The following INSR variants were observed in gnomAD, a reference collection of about 807,000 sequenced individuals.
The protein encoded by INSR is insulin receptor.
INSR carries 67 observed loss-of-function variants against 142.6 expected under a neutral mutation model. The observed-to-expected ratio is 0.47, with a 90% confidence interval of 0.39 to 0.58. INSR has a LOEUF of 0.58. Ranked by LOEUF, INSR falls within the 20% of genes least tolerant of loss-of-function variation. The pLI is 0.00. For synonymous variants in INSR, 756 were observed against 743.1 expected (o/e 1.02, Z -0.28); for missense variants, 1,248 against 1,833.2 (o/e 0.68, Z 5.83).
At chr19:7,185,394 G>C (rs143561545) in intron 2 of INSR, among the ~76,000 whole-genome samples, 5 of 152,248 alleles carry the variant, frequency 3.3e-5, no homozygotes, top group African/African-American at 1.2e-4. Context: ...TGAGGTACAG[G>C]GAGGTTAAGT....
chr19:7,153,858 ATAAAG>A (rs1973516903), intron 9 of INSR, among the ~76,000 whole-genome samples: 3 of 152,112 alleles, frequency 2.0e-5, no homozygotes. Flanking sequence ...TCTACTAAAA[ATAAAG>A]TAAAATAACC....
intron 5 of INSR, among the ~76,000 whole-genome samples, chr19:7,171,618 G>A (rs8109559): frequency 0.28 from 42,230 of 151,958 alleles, 7,998 homozygotes; most frequent in African/African-American, 0.54. Flanking sequence ...ATGGACAACC[G>A]GGACTAAGAG....
intron 11 of INSR, among the ~76,000 whole-genome samples, chr19:7,144,054 CAAA>C (rs111357856): frequency 1.0e-5 from 1 of 96,384 alleles, no homozygotes; most frequent in African/African-American, 3.5e-5. Context: ...GACTCTGTCT[CAAA>C]AAAAAAAAAA....
At chr19:7,128,795 T>A in intron 15 of INSR, 57 bp downstream of exon 15, 1 of 1,190,170 alleles carries the variant, frequency 8.4e-7, no homozygotes, top group Non-Finnish European at 1.3e-6. Flanking sequence ...TATCAAGGCA[T>A]GTTTTCCCCC....
chr19:7,166,343 C>T lies in INSR; in HGVS notation c.1672G>A (p.Val558Met). 1 of 1,614,120 alleles carries T rather than the reference C, an allele frequency of 6.2e-7. No homozygotes were observed. The highest frequency in any genetic ancestry group is 8.5e-7 in the Non-Finnish European group (1 of 1,180,016). ...CTCAGGGGTGGGTCAATGTCTACCA[C>T]CGTCCAACTGTTGGAACCACACGCA... is the stretch of plus-strand genomic sequence containing the variant. Reference protein sequence around the residue: ...QDACGSNSWTVVDIDPPLRSN... With the variant: ...QDACGSNSWTMVDIDPPLRSN... The change falls in exon 8 of 22, where the codon GTG (valine) becomes ATG (methionine). Residue 558 changes from valine to methionine, a missense_variant. Val to Met is a conservative substitution (Grantham distance 21). This residue lies in a region of INSR where 1,069 missense variants were observed against 1,654.0 expected (regional missense o/e 0.65). Coordinates refer to ENST00000302850, the MANE Select transcript of INSR (RefSeq NM_000208.4). This position sits in a 1 kb window ranked among gnomAD's most constrained non-coding sequence, Gnocchi z 4.1.
At chr19:7,126,040 G>C (rs1436424016) in intron 16 of INSR, among the ~76,000 whole-genome samples, 1 of 152,126 alleles carries the variant, frequency 6.6e-6, no homozygotes, top group Non-Finnish European at 1.5e-5. Flanking sequence ...GCAGAGATTT[G>C]GAATGGACTG....
rs1191156607 is a variant in INSR, at chr19:7,195,408, T to C, written c.653-10771A>G. Reference sequence around the variant, plus strand: ...GTGTAATCCCAGCACTTTGGGAGGCTGAGGCAGGAAGATCACTGGAGATCA... The same window carrying C: ...GTGTAATCCCAGCACTTTGGGAGGCCGAGGCAGGAAGATCACTGGAGATCA... On this transcript the variant is annotated intron_variant, in intron 2 of 21. Coordinates refer to ENST00000302850, the MANE Select transcript of INSR (RefSeq NM_000208.4). 2.0e-5 allele frequency among the ~76,000 whole-genome samples: 3 copies of C among 152,192 alleles called. No individual in the cohort carries two copies. The South Asian group carries it at 6.2e-4, about 32-fold the overall frequency.
In INSR at chr19:7,116,850, C is replaced by T; in HGVS notation, c.*206G>A. ...AGCAACTGTGGAAACCCCTTGCCCT[C>T]CAGGTTCACAGTTAAATCCTCTGCA... On this transcript the variant is annotated 3_prime_UTR_variant, in exon 22 of 22. Transcript: ENST00000302850. The T allele has an allele frequency of 1.8e-6, 1 of 568,552 alleles. No homozygotes were observed. The highest frequency in any genetic ancestry group is 3.1e-5 in the Admixed American group (1 of 31,910). 35.2% of individuals were successfully genotyped at this position (568,552 alleles called of 1,614,324 possible).
intron 2 of INSR, among the ~76,000 whole-genome samples, chr19:7,219,471 AAAAGGGAGGGAGG>A (rs1975532136): frequency 2.1e-5 from 3 of 141,716 alleles, no homozygotes; most frequent in African/African-American, 7.7e-5. Flanking sequence ...AGAGAGAGAG[AAAAGGGAGGGAGG>A]GAAGGAAGGA....
intron 2 of INSR, among the ~76,000 whole-genome samples, chr19:7,263,334 C>T (rs532469489): frequency 3.3e-5 from 5 of 151,552 alleles, no homozygotes; most frequent in Admixed American, 3.3e-4. Flanking sequence ...TATCACAATA[C>T]AAGAAATTGA....
intron 9 of INSR, among the ~76,000 whole-genome samples, chr19:7,162,520 A>G (rs1202909229): frequency 6.7e-6 from 1 of 149,910 alleles, no homozygotes; most frequent in Non-Finnish European, 1.5e-5. Context: ...CAAAAAAAAA[A>G]AAAAAATAGG....
At chr19:7,184,836 T>A (rs945348865) in intron 2 of INSR, among the ~76,000 whole-genome samples, 199 bp from the exon 3 acceptor site, 3 of 152,172 alleles carry the variant, frequency 2.0e-5, no homozygotes, top group African/African-American at 7.2e-5. Flanking sequence ...ATTAACTGGT[T>A]TAAGCCTCCA....
intron 2 of INSR, among the ~76,000 whole-genome samples, chr19:7,261,776 CT>C (rs1015589935): frequency 6.6e-6 from 1 of 152,168 alleles, no homozygotes; most frequent in Non-Finnish European, 1.5e-5. Context: ...AGCGATCCAC[CT>C]ACCTCGGCCT....
At chr19:7,161,314 C>T (rs1973743841) in intron 9 of INSR, among the ~76,000 whole-genome samples, 3 of 151,476 alleles carry the variant, frequency 2.0e-5, no homozygotes, top group Non-Finnish European at 4.4e-5. Flanking sequence ...GGCTGGAGTG[C>T]ACTGGAATAA....
Position 7,192,410 on chromosome 19 carries a change from A to G in INSR, c.653-7773T>C, listed in dbSNP as rs765387181. Among the ~76,000 whole-genome samples the G allele has an allele frequency of 5.3e-5, 8 of 152,160 alleles. No homozygotes were observed. Among genetic ancestry groups the G allele is most frequent in the Non-Finnish European group, 7.3e-5 (5 of 68,036 alleles). ...GTGAGAGAGACCGCAAAGTGAAGACATTATGAAAGCCACGTGTCATGCAAG... is the reference window on the plus strand; with the variant it reads ...GTGAGAGAGACCGCAAAGTGAAGACGTTATGAAAGCCACGTGTCATGCAAG... On this transcript the variant is annotated intron_variant, in intron 2 of 21. Coordinates refer to ENST00000302850, the MANE Select transcript of INSR (RefSeq NM_000208.4). This position sits in a 1 kb window ranked among gnomAD's most constrained non-coding sequence, Gnocchi z 4.2.
At chr19:7,217,770 A>G (rs991820050) in intron 2 of INSR, among the ~76,000 whole-genome samples, 1 of 152,216 alleles carries the variant, frequency 6.6e-6, no homozygotes, top group Non-Finnish European at 1.5e-5. Context: ...CGTGTTAGCC[A>G]GGATGGTCTC....
chr19:7,131,180 A>T (rs964556825), intron 14 of INSR, among the ~76,000 whole-genome samples: 3 of 151,054 alleles, frequency 2.0e-5, no homozygotes, highest in Non-Finnish European at 4.4e-5. Flanking sequence ...GTGCCCGGCC[A>T]GGTATTTCTT....
chr19:7,121,608 AGGTGT>A (rs1306663766), intron 19 of INSR, among the ~76,000 whole-genome samples: 2 of 152,022 alleles, frequency 1.3e-5, no homozygotes, highest in Non-Finnish European at 2.9e-5. Flanking sequence ...CTGGGACCAC[AGGTGT>A]GCACCACCAC....
chr19:7,177,686 C>T (rs1290046959), intron 3 of INSR, among the ~76,000 whole-genome samples: 1 of 147,886 alleles, frequency 6.8e-6, no homozygotes, highest in Non-Finnish European at 1.5e-5. Context: ...CACCACCATG[C>T]CCCATCTAAT....
Sources: gnomAD v4.1 joint callset for allele counts (sites outside exome capture counted in the v4.1 genomes callset) on GRCh38, gnomAD v4.1.1 for gene constraint, gnomAD v4.1.1 regional missense constraint, Gnocchi (gnomAD v3.1) non-coding constraint, MANE v1.5 for transcripts, NCBI Gene and HGNC (gene_info 2026-07-23, HGNC 2026-07-21) for gene names.